The following TMLHE variants were observed in gnomAD, a reference collection of about 807,000 sequenced individuals.
TMLHE encodes trimethyllysine dioxygenase, mitochondrial.
Under a neutral mutation model 25.7 loss-of-function variants are expected in TMLHE, and 18 were observed. The ratio of observed to expected loss-of-function variants is 0.70; its 90% CI spans 0.48 to 1.04. The LOEUF (loss-of-function observed/expected upper bound fraction) is 1.04, where lower values mean the gene tolerates loss of function less well. Among genes scored for constraint, TMLHE ranks in the 50% least tolerant of loss-of-function variants. The pLI is 0.00. For missense variants in TMLHE, 236 were observed against 259.0 expected (o/e 0.91, Z 0.61); for synonymous variants, 105 against 97.0 (o/e 1.08, Z -0.49).
chrX:155,599,663 T>A (rs2067744972), intron 1 of TMLHE, among the ~76,000 whole-genome samples: 1 of 112,091 alleles, frequency 8.9e-6, no homozygotes, highest in East Asian at 2.8e-4. Context: ...CAGTAAGATA[T>A]AAAAGCATTT....
chrX:155,514,181 G>A lies in TMLHE; in HGVS notation c.443C>T (p.Pro148Leu), dbSNP rs2067137007. The A allele has an allele frequency of 2.5e-6, 3 of 1,210,776 alleles. No homozygotes were observed. The East Asian group carries it at 8.9e-5, about 36-fold the overall frequency. The part of the protein sequence containing the change: ...YEGQKQKVIQ[P>L]RILWNAEIYQ... The stretch of plus-strand genomic sequence containing the variant: ...GATTTCAGCATTCCATAGTATTCTA[G>A]GCTGGATGACTTTTTGTTTCTGCCC... The change falls in exon 4 of 8, where the codon CCT (proline) becomes CTT (leucine). Residue 148 changes from proline to leucine, a missense_variant. Pro to Leu is a moderately conservative substitution (Grantham distance 98). Coordinates refer to ENST00000334398, the MANE Select transcript of TMLHE (RefSeq NM_018196.4).
intron 5 of TMLHE, among the ~76,000 whole-genome samples, chrX:155,507,956 A>G (rs2067085921): frequency 9.0e-6 from 1 of 111,382 alleles, no homozygotes; most frequent in Non-Finnish European, 1.9e-5. Context: ...ATACCGAGAT[A>G]GAAGTAGCAG....
rs782208400 is a variant in TMLHE at position 155,506,274 on chromosome X, TAGAA to T, written c.995+620_995+623del. Among the ~76,000 whole-genome samples the T allele has an allele frequency of 5.3e-4, 59 of 111,185 alleles. 1 individual carries two copies. The South Asian group carries it at 0.022, about 42-fold the overall frequency. ...TCACTGCAAGAAGAGGCATTGTAGA[TAGAA>T]AGCAGGGGATAGTTTGAGAAAAATA... On this transcript the variant is annotated intron_variant, in intron 6 of 7. Transcript: ENST00000334398.
intron 4 of TMLHE, 90 bp downstream of exon 4, chrX:155,513,896 G>A (rs2124340648): frequency 1.1e-6 from 1 of 947,564 alleles, no homozygotes; most frequent in African/African-American, 2.0e-5. Flanking sequence ...TTGAAAACGA[G>A]GGTGACCATA....
intron 1 of TMLHE, among the ~76,000 whole-genome samples, chrX:155,553,816 C>T (rs781824397): frequency 2.5e-4 from 27 of 109,700 alleles, no homozygotes; most frequent in African/African-American, 8.7e-4. Context: ...CATTCTTTTA[C>T]TGTTTTTAGT....
At chrX:155,514,633 T>A (rs1369850903) in intron 3 of TMLHE, among the ~76,000 whole-genome samples, 1 of 110,545 alleles carries the variant, frequency 9.0e-6, no homozygotes, top group Non-Finnish European at 1.9e-5. Flanking sequence ...CTGTCTTCCA[T>A]CTATATAGGA....
chrX:155,572,492 G>T (rs1557343317), intron 1 of TMLHE, among the ~76,000 whole-genome samples: 1 of 56,449 alleles, frequency 1.8e-5, no homozygotes, highest in Non-Finnish European at 4.6e-5. Context: ...CTACTTTAAA[G>T]TTCATATGGA....
chrX:155,533,221 T>G, intron 2 of TMLHE, among the ~76,000 whole-genome samples: 1 of 111,746 alleles, frequency 8.9e-6, no homozygotes. Flanking sequence ...TTAGAAAGGT[T>G]CTCCTGGTTC....
In TMLHE at chrX:155,564,025, T is replaced by C; in HGVS notation, c.-1-18748A>G. Among the ~76,000 whole-genome samples the C allele has an allele frequency of 3.3e-5, 2 of 61,536 alleles. 1 individual carries two copies. The highest frequency in any genetic ancestry group is 9.1e-5 in the Non-Finnish European group (2 of 22,085). The allele number at this position is 61,536 out of a possible 115,157, so 53.4% of individuals were successfully genotyped here. A position where few individuals can be genotyped will look rare whatever the true frequency, so the allele number is the denominator to read the frequency against. On this transcript the variant is annotated intron_variant, in intron 1 of 7. Transcript: ENST00000334398. Reference sequence around the variant, plus strand: ...ATGAATTAAAAGAATGTTCCTTTTTTTCAAGGACTCAAAATTAAATGCTCA... The same window carrying C: ...ATGAATTAAAAGAATGTTCCTTTTTCTCAAGGACTCAAAATTAAATGCTCA...
chrX:155,597,456 G>C, intron 1 of TMLHE, among the ~76,000 whole-genome samples: 1 of 111,337 alleles, frequency 9.0e-6, no homozygotes, highest in Non-Finnish European at 1.9e-5. Context: ...CAGGGATCTA[G>C]AACTAGAAAT....
chrX:155,607,278 T>C (rs2067792606), intron 1 of TMLHE, among the ~76,000 whole-genome samples: 1 of 112,117 alleles, frequency 8.9e-6, no homozygotes, highest in South Asian at 3.7e-4. Context: ...TGTATGCAAA[T>C]CAATAAATGT....
At chrX:155,567,940 T>C in intron 1 of TMLHE, among the ~76,000 whole-genome samples, 1 of 61,740 alleles carries the variant, frequency 1.6e-5, no homozygotes, top group African/African-American at 3.6e-5. Flanking sequence ...CATTTCCATC[T>C]GAGGTACTGG....
rs1336257298 is a variant in TMLHE, at chrX:155,569,590, G to A, written c.-1-24313C>T. Among the ~76,000 whole-genome samples the A allele has an allele frequency of 2.8e-4, 16 of 56,164 alleles. 6 individuals carry two copies. The East Asian group carries it at 5.8e-3, about 20-fold the overall frequency. The allele number at this position is 56,164 out of a possible 115,157, so 48.8% of individuals were successfully genotyped here. A position where few individuals can be genotyped will look rare whatever the true frequency, so the allele number is the denominator to read the frequency against. On this transcript the variant is annotated intron_variant, in intron 1 of 7. Transcript: ENST00000334398. ...ATGTTAAGGGCAGCCAGAGAGAAAG[G>A]TTGGGTTACCCGCAAAGGGAAGCCC...
Position 155,582,724 on chromosome X carries a change from G to A in TMLHE, c.-2+30068C>T, listed in dbSNP as rs1408850045. 2.7e-5 allele frequency among the ~76,000 whole-genome samples: 3 copies of A among 111,931 alleles called. No homozygotes were observed. The East Asian group carries it at 8.3e-4, about 31-fold the overall frequency. ...TAGGAACAGTTTTACATTGTTGGTG[G>A]GACTGTAAGCTAGTTCAACCATTGT... is the stretch of plus-strand genomic sequence containing the variant. On this transcript the variant is annotated intron_variant, in intron 1 of 7. Coordinates refer to ENST00000334398, the MANE Select transcript of TMLHE (RefSeq NM_018196.4).
Position 155,573,239 on chromosome X carries a change from C to T in TMLHE, c.-1-27962G>A, listed in dbSNP as rs1557343430. Among the ~76,000 whole-genome samples the T allele has an allele frequency of 3.5e-5, 2 of 57,812 alleles. 1 individual carries two copies. Among genetic ancestry groups the T allele is most frequent in the Non-Finnish European group, 9.1e-5 (2 of 21,946 alleles). 50.2% of individuals were successfully genotyped at this position (57,812 alleles called of 115,157 possible). A position where few individuals can be genotyped will look rare whatever the true frequency, so the allele number is the denominator to read the frequency against. ...CAACAGACACATGAAAAAATGCTCA[C>T]CATCACTAGCCATCAGAGAAATGCA... On this transcript the variant is annotated intron_variant, in intron 1 of 7. Transcript: ENST00000334398.
At chrX:155,595,825 CTAAAGCTGGAAAATT>C (rs2067717390) in intron 1 of TMLHE, among the ~76,000 whole-genome samples, 1 of 111,696 alleles carries the variant, frequency 9.0e-6, no homozygotes, top group Admixed American at 9.5e-5. Flanking sequence ...GGTGAAGGAT[CTAAAGCTGGAAAATT>C]TAATGCCAGC....
At chrX:155,591,196 A>C (rs1452663196) in intron 1 of TMLHE, among the ~76,000 whole-genome samples, 2 of 111,863 alleles carry the variant, frequency 1.8e-5, no homozygotes, top group Non-Finnish European at 3.8e-5. Flanking sequence ...AAGAAGAAAG[A>C]AACTGATAGA....
In TMLHE at chrX:155,506,963, G is replaced by GT. The variant is rs1456003212; in HGVS notation, c.929dup (p.Asn310LysfsTer17). The stretch of plus-strand genomic sequence containing the variant: ...AGACTGGCCCAATCCCAATCATGTG[G>GT]TTGTGACATTCTCCAACATCTTCAA... On this transcript the variant is annotated frameshift_variant, in exon 6 of 8. Coordinates refer to ENST00000334398, the MANE Select transcript of TMLHE (RefSeq NM_018196.4). LOFTEE classifies it high-confidence loss of function. The GT allele has an allele frequency of 8.3e-7, 1 of 1,207,905 alleles. No homozygotes were observed. The highest frequency in any genetic ancestry group is 1.8e-5 in the African/African-American group (1 of 56,912).
At chrX:155,568,774 CCTGT>C (rs1393006766) in intron 1 of TMLHE, among the ~76,000 whole-genome samples, 1 of 61,490 alleles carries the variant, frequency 1.6e-5, no homozygotes, top group African/African-American at 3.6e-5. Context: ...AGCTGAGGGT[CCTGT>C]CTGTTAGAAG....
Sources: gnomAD v4.1 joint callset for allele counts (sites outside exome capture counted in the v4.1 genomes callset) on GRCh38, gnomAD v4.1.1 for gene constraint, MANE v1.5 for transcripts, NCBI Gene and HGNC (gene_info 2026-07-23, HGNC 2026-07-21) for gene names.